TMEM41B: variants seen among roughly 807,000 people sequenced by gnomAD.
TMEM41B encodes the protein protein stasimon.
TMEM41B carries 18 observed loss-of-function variants against 31.9 expected under a neutral mutation model. The observed-to-expected ratio is 0.56, with a 90% confidence interval of 0.39 to 0.84. The LOEUF (loss-of-function observed/expected upper bound fraction) is 0.84, where lower values mean the gene tolerates loss of function less well. TMEM41B is among the 40% of genes least tolerant of loss of function. TMEM41B has a pLI of 0.00. For synonymous variants in TMEM41B, 144 were observed against 124.3 expected (o/e 1.16, Z -1.05); for missense variants, 322 against 348.0 (o/e 0.93, Z 0.59).
intron 5 of TMEM41B, 104 bp from the exon 6 acceptor site, chr11:9,286,697 G>T: frequency 8.3e-7 from 1 of 1,199,356 alleles, no homozygotes; most frequent in Non-Finnish European, 1.2e-6. Flanking sequence ...ATACTTCAGA[G>T]TATACCCAAT....
intron 3 of TMEM41B, among the ~76,000 whole-genome samples, chr11:9,290,050 C>T (rs1590373944): frequency 1.3e-5 from 2 of 152,078 alleles, no homozygotes; most frequent in South Asian, 2.1e-4. Context: ...CACACACACA[C>T]ACACACACAC....
chr11:9,298,800 A>C (rs1853165199), intron 2 of TMEM41B, among the ~76,000 whole-genome samples: 1 of 151,804 alleles, frequency 6.6e-6, no homozygotes, highest in Non-Finnish European at 1.5e-5. Flanking sequence ...ATTGTGAAGG[A>C]AGGCAATTTG....
rs1445278768 is a variant in TMEM41B, at chr11:9,302,950, G to A, written c.122-3249C>T. Among the ~76,000 whole-genome samples, 3 of 100,276 alleles carry A rather than the reference G, an allele frequency of 3.0e-5. 1 individual carries two copies. The highest frequency in any genetic ancestry group is 1.2e-4 in the African/African-American group (3 of 25,962). The allele number at this position is 100,276 out of a possible 152,430, so 65.8% of individuals were successfully genotyped here. Reference sequence around the variant, plus strand: ...ACTTAAGCACAGAACTTTGATTCCGGCCTGGGCAACACAGTGAGACCCTAT... The same window carrying A: ...ACTTAAGCACAGAACTTTGATTCCGACCTGGGCAACACAGTGAGACCCTAT... On this transcript the variant is annotated intron_variant, in intron 1 of 6. Transcript: ENST00000528080.
chr11:9,303,812 C>T (rs1352373500), intron 1 of TMEM41B, among the ~76,000 whole-genome samples: 3 of 151,864 alleles, frequency 2.0e-5, no homozygotes, highest in Admixed American at 2.0e-4. Flanking sequence ...GGATTACAGG[C>T]ACACGCCACG....
At chr11:9,286,647 T>C (rs1852844113) in intron 5 of TMEM41B, 54 bp from the exon 6 acceptor site, 6 of 1,523,370 alleles carry the variant, frequency 3.9e-6, no homozygotes, top group Non-Finnish European at 5.3e-6. Flanking sequence ...TCAAAATAAG[T>C]TGCTTAATAT....
chr11:9,311,469 G>A lies in TMEM41B; in HGVS notation c.121+2852C>T, dbSNP rs1564969933. Reference sequence around the variant, plus strand: ...TGGGTATGGAGGAGGGTAGGGACCCGAGGATTGGCATCCTGGATACCCTGG... The same window carrying A: ...TGGGTATGGAGGAGGGTAGGGACCCAAGGATTGGCATCCTGGATACCCTGG... On this transcript the variant is annotated intron_variant, in intron 1 of 6. Coordinates refer to ENST00000528080, the MANE Select transcript of TMEM41B (RefSeq NM_015012.4). The A allele has an allele frequency of 2.5e-5, 36 of 1,421,724 alleles. No individual in the cohort carries two copies. In the East Asian group the frequency reaches 5.0e-4, roughly 20 times the overall value. 88.1% of individuals were successfully genotyped at this position (1,421,724 alleles called of 1,614,324 possible).
chr11:9,283,631 G>T, intron 6 of TMEM41B, 38 bp from the exon 7 acceptor site: 3 of 1,539,960 alleles, frequency 1.9e-6, no homozygotes, highest in Non-Finnish European at 1.7e-6. Context: ...AAAAACCACC[G>T]CAATTGTTTT....
At chr11:9,312,272 A>T (rs1171781701) in intron 1 of TMEM41B, among the ~76,000 whole-genome samples, 2 of 152,232 alleles carry the variant, frequency 1.3e-5, no homozygotes, top group African/African-American at 4.8e-5. Context: ...TAATTCCAGC[A>T]TTTGGGGAGG....
At chr11:9,289,921 T>C (rs989789370) in intron 3 of TMEM41B, among the ~76,000 whole-genome samples, 3 of 152,186 alleles carry the variant, frequency 2.0e-5, no homozygotes, top group African/African-American at 7.2e-5. Flanking sequence ...TTGATAAATT[T>C]GGCAATTTCC....
At chr11:9,310,948 C>T (rs1390872689) in intron 1 of TMEM41B, among the ~76,000 whole-genome samples, 1 of 152,094 alleles carries the variant, frequency 6.6e-6, no homozygotes, top group African/African-American at 2.4e-5. Context: ...CACAATCCTC[C>T]CCAATCATGA....
At chr11:9,305,235 C>T (rs779726851) in intron 1 of TMEM41B, among the ~76,000 whole-genome samples, 9 of 152,038 alleles carry the variant, frequency 5.9e-5, no homozygotes, top group Non-Finnish European at 1.0e-4. Context: ...TTTCTGTAGG[C>T]TGACATCAAA....
chr11:9,301,725 A>G (rs533932589), intron 1 of TMEM41B, among the ~76,000 whole-genome samples: 5 of 152,308 alleles, frequency 3.3e-5, no homozygotes, highest in African/African-American at 1.2e-4. Context: ...CTGGCTGACC[A>G]GATTTTCTCT....
chr11:9,307,909 C>T (rs753514358), intron 1 of TMEM41B, among the ~76,000 whole-genome samples: 67 of 152,046 alleles, frequency 4.4e-4, no homozygotes, highest in African/African-American at 1.0e-3. Flanking sequence ...CCACCTCTCC[C>T]GGCTAATTTT....
At chr11:9,285,913 G>A (rs1468676219) in intron 6 of TMEM41B, among the ~76,000 whole-genome samples, 1 of 151,862 alleles carries the variant, frequency 6.6e-6, no homozygotes, top group Non-Finnish European at 1.5e-5. Context: ...ACAGGAATTC[G>A]AGACCAGCCT....
At chr11:9,309,942 C>CA (rs1194167074) in intron 1 of TMEM41B, among the ~76,000 whole-genome samples, 35 of 148,048 alleles carry the variant, frequency 2.4e-4, no homozygotes, top group Middle Eastern at 7.0e-3. Context: ...AACAAAAGAA[C>CA]AAAAAAAAAT....
intron 1 of TMEM41B, among the ~76,000 whole-genome samples, chr11:9,310,444 A>AT (rs201091459): frequency 9.2e-5 from 14 of 151,988 alleles, no homozygotes; most frequent in South Asian, 2.1e-4. Flanking sequence ...CTTCTATTCC[A>AT]TTTTTTTTAA....
chr11:9,308,761 T>C (rs1037578557), intron 1 of TMEM41B, among the ~76,000 whole-genome samples: 1 of 152,198 alleles, frequency 6.6e-6, no homozygotes, highest in Non-Finnish European at 1.5e-5. Flanking sequence ...TCTGATGACC[T>C]ACTGACAATA....
intron 4 of TMEM41B, 107 bp from the exon 5 acceptor site, chr11:9,287,913 G>T: frequency 2.5e-6 from 2 of 812,654 alleles, no homozygotes; most frequent in Non-Finnish European, 2.0e-6. Context: ...TCAGAGGTGG[G>T]GAGGGTACTC....
intron 3 of TMEM41B, among the ~76,000 whole-genome samples, chr11:9,292,459 T>C (rs1342951761): frequency 6.6e-6 from 1 of 152,144 alleles, no homozygotes; most frequent in Non-Finnish European, 1.5e-5. Context: ...GTATTAATAA[T>C]CTAAAACGTT....
Sources: allele counts gnomAD v4.1 joint callset (sites outside exome capture counted in the v4.1 genomes callset), GRCh38; gene constraint gnomAD v4.1.1; transcripts MANE v1.5; gene names NCBI Gene and HGNC (gene_info 2026-07-23, HGNC 2026-07-21).